Variants in ASXL3 observed in about 807,000 individuals in gnomAD.
The protein encoded by ASXL3 is ASXL transcriptional regulator 3.
In ASXL3, 34 loss-of-function variants were observed where a neutral mutation model predicts 170.6. The ratio of observed to expected loss-of-function variants is 0.20; its 90% confidence interval spans 0.15 to 0.27. The LOEUF (loss-of-function observed/expected upper bound fraction) is 0.27. Ranked by LOEUF, ASXL3 falls within the 10% of genes least tolerant of loss-of-function variation. The probability of loss-of-function intolerance (pLI) is 1.00; values close to 1 mark genes in which losing one functional copy is unlikely to be tolerated. For synonymous variants in ASXL3, 1,002 were observed against 989.1 expected (o/e 1.01, Z -0.24); for missense variants, 2,592 against 2,695.3 (o/e 0.96, Z 0.85).
At chr18:33,584,196 G>GAGGTGCAGGCAAGAGGAT (rs1313423229) in intron 1 of ASXL3, among the ~76,000 whole-genome samples, 1 of 152,146 alleles carries the variant, frequency 6.6e-6, no homozygotes, top group Admixed American at 6.5e-5. Flanking sequence ...GGACAGAGGT[G>GAGGTGCAGGCAAGAGGAT]AGGTGCAGGC....
intron 8 of ASXL3, among the ~76,000 whole-genome samples, chr18:33,728,892 G>A (rs1157850418): frequency 1.3e-5 from 2 of 151,952 alleles, no homozygotes; most frequent in Non-Finnish European, 2.9e-5. Flanking sequence ...AATTTGATAC[G>A]TTTCCCACTA....
intron 2 of ASXL3, among the ~76,000 whole-genome samples, chr18:33,628,390 G>C (rs1419385889): frequency 6.6e-6 from 1 of 152,084 alleles, no homozygotes. Flanking sequence ...AACAAACCAA[G>C]GAGGAAATGA....
intron 2 of ASXL3, among the ~76,000 whole-genome samples, chr18:33,642,268 A>C (rs913809811): frequency 2.0e-5 from 3 of 152,062 alleles, no homozygotes; most frequent in Non-Finnish European, 4.4e-5. Flanking sequence ...TGAGGATAGC[A>C]GCAATAAGGA....
At chr18:33,690,641 T>G (rs1455274141) in intron 8 of ASXL3, among the ~76,000 whole-genome samples, 2 of 152,204 alleles carry the variant, frequency 1.3e-5, no homozygotes, top group African/African-American at 2.4e-5. Flanking sequence ...CCATGGTCCA[T>G]TCTAGTTTTC....
At chr18:33,657,016 G>A (rs1941702) in intron 4 of ASXL3, among the ~76,000 whole-genome samples, 1 of 151,856 alleles carries the variant, frequency 6.6e-6, no homozygotes. Context: ...GCCCATCTTC[G>A]CATGTAAGTC....
chr18:33,743,039 C>G lies in ASXL3; in HGVS notation c.3191C>G (p.Ala1064Gly). The G allele has an allele frequency of 1.2e-6, 2 of 1,613,846 alleles. No individual in the cohort carries two copies. Residue 1064 changes from alanine (A) to glycine (G), a missense_variant, in exon 12 of 12, where the codon GCT becomes GGT. Transcript: ENST00000269197. ...LADIKARAQQ[A>G]RAQREAAAAA... Reference sequence around the variant, plus strand: ...GATATCAAGGCCCGGGCCCAACAAGCTCGGGCCCAGCGAGAGGCTGCTGCA... The same window carrying G: ...GATATCAAGGCCCGGGCCCAACAAGGTCGGGCCCAGCGAGAGGCTGCTGCA...
In ASXL3 at chr18:33,743,341, T is replaced by C; in HGVS notation, c.3493T>C (p.Cys1165Arg). 6 of 1,613,832 alleles carry C rather than the reference T, an allele frequency of 3.7e-6. No individual in the cohort carries two copies. Among genetic ancestry groups the C allele is most frequent in the Non-Finnish European group, 5.1e-6 (6 of 1,179,864 alleles). Residue 1165 changes from cysteine (C) to arginine (R), a missense_variant, in exon 12 of 12, where the codon TGT becomes CGT. Cys to Arg is a radical substitution (Grantham distance 180). Around this residue, in one of 4 missense-constraint regions of ASXL3, gnomAD observed 2,246 missense variants for 2,219.6 expected, o/e 1.01. Coordinates refer to ENST00000269197, the MANE Select transcript of ASXL3 (RefSeq NM_030632.3). ...STGVIIVNPNCRSPSNKSAHL... is the reference protein window; with the variant it reads ...STGVIIVNPNRRSPSNKSAHL... ...TGGTGTCATTATTGTCAATCCAAAC[T>C]GTAGATCTCCTAGCAACAAGTCTGC...
chr18:33,675,380 C>T (rs765593413), intron 7 of ASXL3, among the ~76,000 whole-genome samples: 2 of 152,142 alleles, frequency 1.3e-5, no homozygotes, highest in African/African-American at 4.8e-5. Context: ...AGTTAGACAT[C>T]TAATTCATAT....
chr18:33,688,934 C>A (rs2066643009), intron 8 of ASXL3, among the ~76,000 whole-genome samples: 1 of 152,080 alleles, frequency 6.6e-6, no homozygotes, highest in Non-Finnish European at 1.5e-5. Flanking sequence ...AATAAGTTTG[C>A]AGCCAGATGA....
At chr18:33,615,223 A>G (rs2065404287) in intron 2 of ASXL3, among the ~76,000 whole-genome samples, 1 of 152,148 alleles carries the variant, frequency 6.6e-6, no homozygotes, top group East Asian at 1.9e-4. Context: ...GGGCTTCTAC[A>G]TTAGTAATTG....
At position 33,738,628 on chromosome 18, in the gene ASXL3, G is replaced by A; in HGVS notation, c.1224G>A (p.Met408Ile). Residue 408 changes from methionine to isoleucine, a missense_variant, in exon 11 of 12, where the codon ATG (methionine) becomes ATA (isoleucine). By Grantham distance (10) the Met-to-Ile change is conservative (BLOSUM62 1). This residue lies in a region of ASXL3 where 2,246 missense variants were observed against 2,219.6 expected (regional missense o/e 1.01). Transcript: ENST00000269197. The stretch of plus-strand genomic sequence containing the variant: ...TGGCAGAACAACAGCCAAAAAGCAT[G>A]AAAAGCCCAGCTTCTCCAGAGCCTG... ...TALAEQQPKSMKSPASPEPGF... is the reference protein window; with the variant it reads ...TALAEQQPKSIKSPASPEPGF... 1 of 1,613,888 alleles carries A rather than the reference G, an allele frequency of 6.2e-7. No homozygotes were observed. Among genetic ancestry groups the A allele is most frequent in the Non-Finnish European group, 8.5e-7 (1 of 1,179,846 alleles).
chr18:33,675,940 G>A (rs1314714173), intron 7 of ASXL3, among the ~76,000 whole-genome samples: 1 of 151,878 alleles, frequency 6.6e-6, no homozygotes, highest in African/African-American at 2.4e-5. Context: ...AAAATTCCTC[G>A]GTTGGCTGGG....
In ASXL3 at chr18:33,744,635, C is replaced by T; in HGVS notation, c.4787C>T (p.Thr1596Ile). The change falls in exon 12 of 12, where the codon ACC becomes ATC. Residue 1596 changes from threonine (T) to isoleucine (I), a missense_variant. Thr to Ile is a moderately conservative substitution (Grantham distance 89). Coordinates refer to ENST00000269197, the MANE Select transcript of ASXL3 (RefSeq NM_030632.3). Reference protein sequence around the residue: ...PAPFKSEADTTCSNQYNPSNR... With the variant: ...PAPFKSEADTICSNQYNPSNR... ...CCTTTCAAAAGTGAAGCAGACACAA[C>T]CTGTAGCAATCAGTATAACCCAAGT... The T allele has an allele frequency of 1.2e-6, 2 of 1,606,826 alleles. No homozygotes were observed. The highest frequency in any genetic ancestry group is 1.7e-6 in the Non-Finnish European group (2 of 1,176,180).
intron 7 of ASXL3, among the ~76,000 whole-genome samples, chr18:33,675,951 T>G (rs147048303): frequency 6.6e-6 from 1 of 151,864 alleles, no homozygotes; most frequent in Admixed American, 6.6e-5. Context: ...GTTGGCTGGG[T>G]GCAGTGGCTC....
intron 2 of ASXL3, among the ~76,000 whole-genome samples, chr18:33,637,074 G>T (rs2065779406): frequency 6.6e-6 from 1 of 152,020 alleles, no homozygotes; most frequent in Non-Finnish European, 1.5e-5. Flanking sequence ...AATTTATACA[G>T]GGAAAATAAT....
intron 1 of ASXL3, among the ~76,000 whole-genome samples, chr18:33,588,744 G>A (rs144332796): frequency 2.6e-5 from 4 of 152,188 alleles, no homozygotes; most frequent in East Asian, 3.9e-4. Flanking sequence ...TTCAACTCCT[G>A]TAGTGAAATA....
chr18:33,619,736 A>G (rs779895001), intron 2 of ASXL3, among the ~76,000 whole-genome samples: 1 of 152,088 alleles, frequency 6.6e-6, no homozygotes, highest in Non-Finnish European at 1.5e-5. Flanking sequence ...TTGCTAACCT[A>G]CTAGTCAAAT....
chr18:33,611,116 T>A (rs1277044279), intron 2 of ASXL3, among the ~76,000 whole-genome samples: 1 of 152,122 alleles, frequency 6.6e-6, no homozygotes, highest in Non-Finnish European at 1.5e-5. Context: ...ACACTTTAAA[T>A]ATAATTTTCA....
intron 8 of ASXL3, among the ~76,000 whole-genome samples, chr18:33,709,568 C>CA (rs1355682633): frequency 1.3e-5 from 2 of 150,822 alleles, no homozygotes; most frequent in East Asian, 3.9e-4. Context: ...TTATAAAGAT[C>CA]AAAAAAAGCA....
Sources: gnomAD v4.1 joint callset for allele counts (sites outside exome capture counted in the v4.1 genomes callset) on GRCh38, gnomAD v4.1.1 for gene constraint, gnomAD v4.1.1 regional missense constraint, MANE v1.5 for transcripts, NCBI Gene and HGNC (gene_info 2026-07-23, HGNC 2026-07-21) for gene names.